The following RRN3 variants were observed in gnomAD, a reference collection of about 807,000 sequenced individuals.
The protein encoded by RRN3 is RNA polymerase I transcription factor RRN3, also known as RNA polymerase I-specific transcription initiation factor RRN3.
RRN3 carries 38 observed loss-of-function variants against 82.3 expected under a neutral mutation model. That is an observed-to-expected ratio of 0.46 (90% CI 0.36 to 0.61). The LOEUF is 0.61. Among genes scored for constraint, RRN3 ranks in the 20% least tolerant of loss-of-function variants. The pLI is 0.00. For missense variants in RRN3, 726 were observed against 793.1 expected (o/e 0.92, Z 1.02); for synonymous variants, 284 against 284.3 (o/e 1.00, Z 0.01).
intron 3 of RRN3, among the ~76,000 whole-genome samples, 170 bp downstream of exon 3, chr16:15,091,145 C>T (rs1323980348): frequency 6.6e-6 from 1 of 151,988 alleles, no homozygotes; most frequent in Non-Finnish European, 1.5e-5. Context: ...CAGCCATCAC[C>T]AAATGTCTTC....
In RRN3 at chr16:15,073,022, G is replaced by C. The variant is rs773205848; in HGVS notation, c.1056C>G (p.Asp352Glu). 3.1e-6 allele frequency: 5 copies of C among 1,613,262 alleles called. No individual in the cohort carries two copies. Among genetic ancestry groups the C allele is most frequent in the Non-Finnish European group, 3.4e-6 (4 of 1,179,778 alleles). Residue 352 changes from aspartate to glutamate, a missense_variant, in exon 12 of 18, where the codon GAC becomes GAG. Asp to Glu is a conservative substitution (Grantham distance 45, BLOSUM62 2). Around this residue, in one of 4 missense-constraint regions of RRN3, gnomAD observed 344 missense variants for 394.5 expected, o/e 0.87. Coordinates refer to ENST00000198767, the MANE Select transcript of RRN3 (RefSeq NM_018427.5). ...DLYRDLINIF[D>E]KLLLPTHASC... ...AGGCATGGGTGGGCAACAGGAGTTTGTCAAAGATGTTTATCAGGTCGCGAT... is the reference window on the plus strand; with the variant it reads ...AGGCATGGGTGGGCAACAGGAGTTTCTCAAAGATGTTTATCAGGTCGCGAT...
At chr16:15,092,256 A>T (rs2046163245) in intron 2 of RRN3, among the ~76,000 whole-genome samples, 1 of 152,178 alleles carries the variant, frequency 6.6e-6, no homozygotes, top group Non-Finnish European at 1.5e-5. Flanking sequence ...TTCGTAAATA[A>T]AGCATTTGAA....
intron 8 of RRN3, among the ~76,000 whole-genome samples, chr16:15,080,820 G>C (rs1274687801): frequency 5.5e-5 from 4 of 72,522 alleles, no homozygotes; most frequent in African/African-American, 1.4e-4. Flanking sequence ...GTCTTTCTAT[G>C]AATCTGCCTC....
At chr16:15,065,030 G>A (rs1349563419) in intron 16 of RRN3, among the ~76,000 whole-genome samples, 189 bp downstream of exon 16, 3 of 152,106 alleles carry the variant, frequency 2.0e-5, no homozygotes. Context: ...GCCAGGCGTG[G>A]CAGTGGGTGC....
intron 7 of RRN3, 195 bp from the exon 8 acceptor site, chr16:15,083,777 C>T (rs1186540875): frequency 3.3e-5 from 20 of 598,082 alleles, no homozygotes; most frequent in East Asian, 1.1e-4. Flanking sequence ...AGTGCAGTGG[C>T]GCAATCTCAG....
At chr16:15,084,221 A>G (rs1253452150) in intron 7 of RRN3, among the ~76,000 whole-genome samples, 1 of 152,200 alleles carries the variant, frequency 6.6e-6, no homozygotes, top group Non-Finnish European at 1.5e-5. Flanking sequence ...ATTTTTTTTA[A>G]GTTAACAAAT....
intron 8 of RRN3, among the ~76,000 whole-genome samples, chr16:15,080,701 C>A (rs2045661039): frequency 6.6e-6 from 1 of 152,180 alleles, no homozygotes; most frequent in African/African-American, 2.4e-5. Flanking sequence ...TGATTATGGG[C>A]ATAAGCCACT....
intron 12 of RRN3, among the ~76,000 whole-genome samples, chr16:15,072,267 A>C (rs2045269051): frequency 2.0e-5 from 3 of 152,016 alleles, no homozygotes; most frequent in Non-Finnish European, 4.4e-5. Flanking sequence ...AAAAAGAAGA[A>C]GAAGAAGAAA....
At chr16:15,069,764 G>A (rs549829034) in intron 14 of RRN3, among the ~76,000 whole-genome samples, 4 of 152,290 alleles carry the variant, frequency 2.6e-5, no homozygotes, top group Admixed American at 2.0e-4. Context: ...TGTACAGGGC[G>A]CTGGCACAGC....
chr16:15,092,348 T>A (rs1479452126), intron 2 of RRN3, among the ~76,000 whole-genome samples, 161 bp downstream of exon 2: 1 of 152,182 alleles, frequency 6.6e-6, no homozygotes, highest in Non-Finnish European at 1.5e-5. Flanking sequence ...AAAAGGACAC[T>A]ATTACTCTAA....
chr16:15,077,623 T>G (rs1042180780), intron 9 of RRN3, among the ~76,000 whole-genome samples: 6 of 152,124 alleles, frequency 3.9e-5, no homozygotes, highest in African/African-American at 1.4e-4. Context: ...GGACGGATCA[T>G]GAGGTCAGGA....
Position 15,086,111 on chromosome 16 carries a change from T to C in RRN3, c.472+18A>G. 2 of 1,604,362 alleles carry C rather than the reference T, an allele frequency of 1.2e-6. No individual in the cohort carries two copies. The highest frequency in any genetic ancestry group is 1.7e-6 in the Non-Finnish European group (2 of 1,175,116). ...AAGAAGTATTAAAAAGAAAATAAAA[T>C]TCCAAGCAATGACTTACGAGGCACA... is the stretch of plus-strand genomic sequence containing the variant. On this transcript the variant is annotated intron_variant, in intron 5 of 17. Transcript: ENST00000198767.
chr16:15,065,318 A>G lies in RRN3; in HGVS notation c.1607T>C (p.Met536Thr). The G allele has an allele frequency of 6.2e-7, 1 of 1,613,868 alleles. No individual in the cohort carries two copies. The highest frequency in any genetic ancestry group is 8.5e-7 in the Non-Finnish European group (1 of 1,179,778). Reference sequence around the variant, plus strand: ...AGCGGTACTCCTAATGACTGGCAGCATCTGGCGATTGTTCCTCTCAATGAT... The same window carrying G: ...AGCGGTACTCCTAATGACTGGCAGCGTCTGGCGATTGTTCCTCTCAATGAT... ...YTIIERNNRQ[M>T]LPVIRSTAGG... is the part of the protein sequence containing the mutation. The change falls in exon 16 of 18, where the codon ATG (methionine) becomes ACG (threonine). Residue 536 changes from methionine (M) to threonine (T), a missense_variant. By Grantham distance (81) the Met-to-Thr change is moderately conservative (BLOSUM62 -1). Around this residue, in one of 4 missense-constraint regions of RRN3, gnomAD observed 166 missense variants for 154.8 expected, o/e 1.07. Coordinates refer to ENST00000198767, the MANE Select transcript of RRN3 (RefSeq NM_018427.5).
At chr16:15,070,999 T>C in intron 13 of RRN3, 122 bp downstream of exon 13, 1 of 765,254 alleles carries the variant, frequency 1.3e-6, no homozygotes, top group Non-Finnish European at 2.1e-6. Flanking sequence ...TTGCACAGAG[T>C]AGGGATTTTA....
chr16:15,085,776 C>T, intron 5 of RRN3, 78 bp from the exon 6 acceptor site: 1 of 1,583,204 alleles, frequency 6.3e-7, no homozygotes, highest in South Asian at 1.1e-5. Context: ...AGTTACTGAC[C>T]TAGACAATGA....
chr16:15,078,985 G>T (rs924029449), intron 9 of RRN3, among the ~76,000 whole-genome samples: 1 of 151,852 alleles, frequency 6.6e-6, no homozygotes, highest in African/African-American at 2.4e-5. Flanking sequence ...CCAATTTTTT[G>T]TATTTTTAGT....
At chr16:15,068,329 G>A in intron 14 of RRN3, 52 bp from the exon 15 acceptor site, 2 of 1,529,012 alleles carry the variant, frequency 1.3e-6, no homozygotes, top group South Asian at 1.3e-5. Flanking sequence ...TAAGTGAAAA[G>A]TGTAAGATAC....
chr16:15,084,529 A>T, intron 7 of RRN3, 113 bp downstream of exon 7: 1 of 711,258 alleles, frequency 1.4e-6, no homozygotes, highest in Non-Finnish European at 2.3e-6. Context: ...GATACAAAAA[A>T]AACATGCAAT....
chr16:15,092,065 C>A (rs1225937139), intron 2 of RRN3, among the ~76,000 whole-genome samples: 1 of 151,968 alleles, frequency 6.6e-6, no homozygotes, highest in African/African-American at 2.4e-5. Context: ...TGTAACCCCA[C>A]CTATTCGGAA....
Sources: gnomAD v4.1 joint callset for allele counts (sites outside exome capture counted in the v4.1 genomes callset) on GRCh38, gnomAD v4.1.1 for gene constraint, gnomAD v4.1.1 regional missense constraint, MANE v1.5 for transcripts, NCBI Gene and HGNC (gene_info 2026-07-23, HGNC 2026-07-21) for gene names.